The following SLC35F3 variants were observed in gnomAD, a reference collection of about 807,000 sequenced individuals.
SLC35F3 encodes putative thiamine transporter SLC35F3.
A neutral mutation model predicts 49.9 loss-of-function variants in SLC35F3; 25 were observed. That is an observed-to-expected ratio of 0.50 (90% CI 0.37 to 0.70). SLC35F3 has a LOEUF of 0.70. Among genes scored for constraint, SLC35F3 ranks in the 30% least tolerant of loss-of-function variants. The pLI is 0.00. For synonymous variants in SLC35F3, 275 were observed against 265.4 expected (o/e 1.04, Z -0.35); for missense variants, 525 against 639.8 (o/e 0.82, Z 1.94).
chr1:234,284,303 T>TCCCA (rs1668376416), intron 3 of SLC35F3, among the ~76,000 whole-genome samples: 1 of 152,182 alleles, frequency 6.6e-6, no homozygotes, highest in Non-Finnish European at 1.5e-5. Context: ...ATCTCACAGC[T>TCCCA]AGGAGGTGAT....
At chr1:234,143,637 A>G (rs775126953) in intron 2 of SLC35F3, among the ~76,000 whole-genome samples, 10 of 151,942 alleles carry the variant, frequency 6.6e-5, no homozygotes, top group Non-Finnish European at 1.3e-4. Context: ...AACATCTGGT[A>G]TTTGCTGTTC....
At chr1:234,322,193 C>CAA (rs35591525) in intron 7 of SLC35F3, among the ~76,000 whole-genome samples, 57 of 116,538 alleles carry the variant, frequency 4.9e-4, no homozygotes, top group African/African-American at 1.0e-3. Flanking sequence ...GACCCTGTCT[C>CAA]AAAAAAAAAA....
chr1:234,051,523 C>G (rs1357022641), intron 2 of SLC35F3, among the ~76,000 whole-genome samples: 1 of 152,180 alleles, frequency 6.6e-6, no homozygotes, highest in Admixed American at 6.5e-5. Context: ...TGCTTATCAG[C>G]ATAAGGAGAT....
chr1:234,023,236 A>C (rs998110361), intron 2 of SLC35F3, among the ~76,000 whole-genome samples: 4 of 152,182 alleles, frequency 2.6e-5, no homozygotes, highest in African/African-American at 9.7e-5. Context: ...CCAGGGCATT[A>C]GTCCTTGGAG....
chr1:234,133,644 G>A (rs1462976824), intron 2 of SLC35F3, among the ~76,000 whole-genome samples: 2 of 152,198 alleles, frequency 1.3e-5, no homozygotes, highest in African/African-American at 4.8e-5. Context: ...AAAAAGCAAA[G>A]CATGCAGTGA....
At chr1:234,278,349 G>A (rs949494093) in intron 3 of SLC35F3, among the ~76,000 whole-genome samples, 1 of 152,066 alleles carries the variant, frequency 6.6e-6, no homozygotes, top group African/African-American at 2.4e-5. Context: ...AATTAGACTG[G>A]TGCAATGGCA....
At chr1:234,215,422 C>A (rs1188145555) in intron 2 of SLC35F3, among the ~76,000 whole-genome samples, 1 of 152,180 alleles carries the variant, frequency 6.6e-6, no homozygotes, top group Non-Finnish European at 1.5e-5. Flanking sequence ...AACTCCTCCT[C>A]CCAGGAGGCA....
rs35418747 is a variant in SLC35F3, at chr1:233,935,189, CTTTTT to C, written c.283+29455_283+29459del. 5.6e-4 allele frequency among the ~76,000 whole-genome samples: 28 copies of C among 50,308 alleles called. 1 individual carries two copies. The highest frequency in any genetic ancestry group is 9.6e-4 in the African/African-American group (11 of 11,404). 33.0% of individuals were successfully genotyped at this position (50,308 alleles called of 152,430 possible). A position where few individuals can be genotyped will look rare whatever the true frequency, so the allele number is the denominator to read the frequency against. On this transcript the variant is annotated intron_variant, in intron 2 of 7. Coordinates refer to ENST00000366618, the MANE Select transcript of SLC35F3 (RefSeq NM_173508.4). ...CACAATGAGCTGGGTTTTCCTTGCC[CTTTTT>C]TTTTTTTTTTTTTTTTTTTTTTTGC...
intron 2 of SLC35F3, among the ~76,000 whole-genome samples, chr1:234,000,899 G>A (rs1434157486): frequency 6.6e-6 from 1 of 152,144 alleles, no homozygotes; most frequent in East Asian, 1.9e-4. Context: ...AAGGGAGGAT[G>A]GCTGCCACTG....
At chr1:234,227,261 G>A (rs1667299923) in intron 2 of SLC35F3, among the ~76,000 whole-genome samples, 1 of 152,182 alleles carries the variant, frequency 6.6e-6, no homozygotes, top group Admixed American at 6.5e-5. Context: ...GGGAAGGGGT[G>A]TTGGAGAGTG....
At chr1:234,167,877 T>A (rs1572078322) in intron 2 of SLC35F3, among the ~76,000 whole-genome samples, 1 of 152,286 alleles carries the variant, frequency 6.6e-6, no homozygotes, top group East Asian at 1.9e-4. Flanking sequence ...CAGCCCATGT[T>A]CTATCCCCTA....
At chr1:233,990,460 G>A (rs1663335080) in intron 2 of SLC35F3, among the ~76,000 whole-genome samples, 1 of 152,060 alleles carries the variant, frequency 6.6e-6, no homozygotes. Context: ...TAATATTCAG[G>A]GGGTGGAAAA....
chr1:234,209,211 T>A (rs944260619), intron 2 of SLC35F3, among the ~76,000 whole-genome samples: 2 of 152,144 alleles, frequency 1.3e-5, no homozygotes, highest in African/African-American at 4.8e-5. Context: ...ATGTCAGGGG[T>A]CTCAGCTCTC....
intron 2 of SLC35F3, among the ~76,000 whole-genome samples, chr1:234,033,399 C>T (rs1664091092): frequency 6.6e-6 from 1 of 152,124 alleles, no homozygotes; most frequent in African/African-American, 2.4e-5. Flanking sequence ...GTTGCATTTG[C>T]TTTGGGATTC....
chr1:233,919,542 C>A (rs899169499), intron 2 of SLC35F3, among the ~76,000 whole-genome samples: 2 of 152,142 alleles, frequency 1.3e-5, no homozygotes, highest in African/African-American at 4.8e-5. Flanking sequence ...ACATATGTCC[C>A]GATTTGGGGA....
intron 2 of SLC35F3, among the ~76,000 whole-genome samples, chr1:234,190,141 T>C (rs990108536): frequency 3.9e-5 from 6 of 152,082 alleles, no homozygotes; most frequent in African/African-American, 1.4e-4. Flanking sequence ...ACGGGATCTA[T>C]ACAACAAAAA....
At chr1:234,031,478 A>G (rs1428048910) in intron 2 of SLC35F3, among the ~76,000 whole-genome samples, 1 of 152,144 alleles carries the variant, frequency 6.6e-6, no homozygotes, top group Non-Finnish European at 1.5e-5. Flanking sequence ...TGAGCCTTGT[A>G]TTGCTCCAGC....
intron 3 of SLC35F3, among the ~76,000 whole-genome samples, chr1:234,244,618 CT>C (rs57728116): frequency 2.6e-3 from 380 of 143,948 alleles, no homozygotes; most frequent in Admixed American, 4.7e-3. Flanking sequence ...TTGATTATCA[CT>C]TTTTTTTTTT....
intron 3 of SLC35F3, among the ~76,000 whole-genome samples, chr1:234,295,462 G>A (rs368121650): frequency 6.6e-6 from 1 of 152,186 alleles, no homozygotes; most frequent in African/African-American, 2.4e-5. Context: ...GGTCAGGCCA[G>A]TTCTCAAGTG....
Sources: gnomAD v4.1 joint callset for allele counts (sites outside exome capture counted in the v4.1 genomes callset) on GRCh38, gnomAD v4.1.1 for gene constraint, MANE v1.5 for transcripts, NCBI Gene and HGNC (gene_info 2026-07-23, HGNC 2026-07-21) for gene names.